Variants in ABCB4 observed in about 807,000 individuals in gnomAD.
ABCB4 encodes phosphatidylcholine translocator ABCB4.
In ABCB4, 76 loss-of-function variants were observed where a neutral mutation model predicts 145.7. That is an observed-to-expected ratio of 0.52 (90% CI 0.43 to 0.63). The LOEUF is 0.63. Ranked by LOEUF, ABCB4 falls within the 30% of genes least tolerant of loss-of-function variation. The pLI is 0.00. For synonymous variants in ABCB4, 517 were observed against 566.8 expected (o/e 0.91, Z 1.25); for missense variants, 1,234 against 1,553.1 (o/e 0.79, Z 3.45).
intron 10 of ABCB4, among the ~76,000 whole-genome samples, chr7:87,444,427 A>G (rs753482212): frequency 7.9e-5 from 12 of 152,212 alleles, no homozygotes; most frequent in Non-Finnish European, 1.2e-4. Context: ...ATTTAAAATC[A>G]TACCAAACAT....
the ABCB4 span, among the ~76,000 whole-genome samples, chr7:87,395,406 C>A: frequency 1.3e-5 from 2 of 152,200 alleles, no homozygotes; most frequent in Non-Finnish European, 2.9e-5. Context: ...CTCAGACACA[C>A]CCAGGATCAA....
intron 12 of ABCB4, among the ~76,000 whole-genome samples, chr7:87,441,668 A>T (rs1396661555): frequency 6.6e-6 from 1 of 151,992 alleles, no homozygotes; most frequent in Non-Finnish European, 1.5e-5. Context: ...GTGCAACAAT[A>T]GCTCACTGCA....
At chr7:87,466,573 C>G (rs1033779930) in intron 3 of ABCB4, among the ~76,000 whole-genome samples, 1 of 152,046 alleles carries the variant, frequency 6.6e-6, no homozygotes, top group Admixed American at 6.6e-5. Context: ...TCCTCGAGAA[C>G]AGCAACTCCA....
intron 24 of ABCB4, 76 bp from the exon 25 acceptor site, chr7:87,408,310 C>G (rs1808360390): frequency 6.9e-7 from 1 of 1,440,934 alleles, no homozygotes; most frequent in Non-Finnish European, 9.6e-7. Context: ...TTCAAGGAAA[C>G]TTTACCAAAG....
chr7:87,431,651 C>A, intron 14 of ABCB4, 86 bp from the exon 15 acceptor site: 1 of 1,519,720 alleles, frequency 6.6e-7, no homozygotes, highest in Non-Finnish European at 9.1e-7. Context: ...TGGATGAATG[C>A]TGTTTGTAGA....
At chr7:87,458,035 T>C (rs1812213842) in intron 4 of ABCB4, among the ~76,000 whole-genome samples, 1 of 152,192 alleles carries the variant, frequency 6.6e-6, no homozygotes, top group African/African-American at 2.4e-5. Flanking sequence ...CTATTCATTA[T>C]AAAATAAAGA....
Position 87,402,254 on chromosome 7 carries a change from C to T in ABCB4, c.3682G>A (p.Val1228Met). ...ATGGTGGACAGGCGGTGAGCAATCA[C>T]AATGCAGGTGCGGCCTTCTCTGGCT... ...DKAREGRTCI[V>M]IAHRLSTIQN... The change falls in exon 28 of 28, where the codon GTG becomes ATG. Residue 1228 changes from valine to methionine, a missense_variant. Physicochemically the swap from Val to Met is conservative, Grantham distance 21. This residue lies in a region of ABCB4 where 58 missense variants were observed against 75.9 expected (regional missense o/e 0.76). Coordinates refer to ENST00000649586, the MANE Select transcript of ABCB4 (RefSeq NM_000443.4). The T allele has an allele frequency of 6.2e-7, 1 of 1,614,092 alleles. No individual in the cohort carries two copies. Among genetic ancestry groups the T allele is most frequent in the Non-Finnish European group, 8.5e-7 (1 of 1,179,962 alleles).
rs1809160747 is a variant in ABCB4 at position 87,418,553 on chromosome 7, G to A, written c.2462C>T (p.Ala821Val). Reference protein sequence around the residue: ...GALSTRLATDAAQVQGATGTR... With the variant: ...GALSTRLATDVAQVQGATGTR... ...TCTACCTACTCCTTGGACTTGGGCAGCATCTGTGGCAAGTCTTGTAGAAAG... is the reference window on the plus strand; with the variant it reads ...TCTACCTACTCCTTGGACTTGGGCAACATCTGTGGCAAGTCTTGTAGAAAG... The change falls in exon 20 of 28, where the codon GCT becomes GTT. Residue 821 changes from alanine to valine, a missense_variant. By Grantham distance (64) the Ala-to-Val change is moderately conservative. Around this residue, in one of 7 missense-constraint regions of ABCB4, gnomAD observed 321 missense variants for 332.6 expected, o/e 0.97. Transcript: ENST00000649586. 1.9e-6 allele frequency: 3 copies of A among 1,614,016 alleles called. No homozygotes were observed. Among genetic ancestry groups the A allele is most frequent in the Non-Finnish European group, 2.5e-6 (3 of 1,179,994 alleles).
chr7:87,423,824 G>T, intron 17 of ABCB4, 82 bp downstream of exon 17: 2 of 1,561,772 alleles, frequency 1.3e-6, no homozygotes, highest in East Asian at 2.2e-5. Flanking sequence ...ATCCCAGAAT[G>T]GAGCCAGTCA....
chr7:87,382,679 C>T, the ABCB4 span: 1 of 802,120 alleles, frequency 1.2e-6, no homozygotes, highest in Non-Finnish European at 1.9e-6. Context: ...TTTGTACTTC[C>T]ATCAATAGAG....
Position 87,417,444 on chromosome 7 carries a change from A to C in ABCB4, c.2550T>G (p.Phe850Leu). ...ANLGTGIIIS[F>L]IYGWQLTLLL... ...ATAGGGTTAACTGCCAACCGTAGAT[A>C]AATGATATGATAATACCAGTTCCAA... is the stretch of plus-strand genomic sequence containing the variant. Residue 850 changes from phenylalanine to leucine, a missense_variant, in exon 21 of 28, where the codon TTT becomes TTG. Physicochemically the swap from Phe to Leu is conservative, Grantham distance 22. This residue lies in a region of ABCB4 where 321 missense variants were observed against 332.6 expected (regional missense o/e 0.97). Coordinates refer to ENST00000649586, the MANE Select transcript of ABCB4 (RefSeq NM_000443.4). The C allele has an allele frequency of 6.2e-7, 1 of 1,614,194 alleles. No homozygotes were observed. Among genetic ancestry groups the C allele is most frequent in the Non-Finnish European group, 8.5e-7 (1 of 1,180,026 alleles).
chr7:87,431,637 C>T, intron 14 of ABCB4, 72 bp from the exon 15 acceptor site: 1 of 1,574,072 alleles, frequency 6.4e-7, no homozygotes, highest in Non-Finnish European at 8.7e-7. Context: ...CACAGTTAAG[C>T]ACTTGGATGA....
At chr7:87,451,106 C>G (rs1016332411) in intron 7 of ABCB4, among the ~76,000 whole-genome samples, 7 of 151,670 alleles carry the variant, frequency 4.6e-5, no homozygotes, top group African/African-American at 1.5e-4. Context: ...GTTGCACTTC[C>G]TTAACTAAGG....
chr7:87,394,849 G>A, the ABCB4 span, among the ~76,000 whole-genome samples: 1 of 152,102 alleles, frequency 6.6e-6, no homozygotes, highest in Non-Finnish European at 1.5e-5. Flanking sequence ...TTTAGAAAGA[G>A]GTTTGGCTTT....
At position 87,417,470 on chromosome 7, in the gene ABCB4, G is replaced by T. The variant is rs962111777; in HGVS notation, c.2524C>A (p.Leu842Ile). The T allele has an allele frequency of 1.2e-6, 2 of 1,613,994 alleles. No individual in the cohort carries two copies. The highest frequency in any genetic ancestry group is 2.7e-5 in the African/African-American group (2 of 74,916). The change falls in exon 21 of 28, where the codon CTT becomes ATT. Residue 842 changes from leucine (L) to isoleucine (I), a missense_variant. This residue lies in a region of ABCB4 where 321 missense variants were observed against 332.6 expected (regional missense o/e 0.97). Coordinates refer to ENST00000649586, the MANE Select transcript of ABCB4 (RefSeq NM_000443.4). ...LALIAQNIAN[L>I]GTGIIISFIY... is the part of the protein sequence containing the mutation. ...AATGATATGATAATACCAGTTCCAA[G>T]GTTAGCTATATTCTGTGCAATTAAA...
the ABCB4 span, among the ~76,000 whole-genome samples, chr7:87,383,253 A>G: frequency 5.9e-5 from 9 of 152,126 alleles, no homozygotes; most frequent in African/African-American, 2.2e-4. Context: ...ACTTCTCTTC[A>G]ATCTCCTCTC....
At chr7:87,440,156 GA>G in intron 13 of ABCB4, 42 bp downstream of exon 13, 1 of 1,584,416 alleles carries the variant, frequency 6.3e-7, no homozygotes, top group Non-Finnish European at 8.7e-7. Context: ...CCTATGAGGT[GA>G]AATTCTAATT....
chr7:87,441,665 A>T (rs191600418), intron 12 of ABCB4, among the ~76,000 whole-genome samples: 1 of 152,150 alleles, frequency 6.6e-6, no homozygotes, highest in Admixed American at 6.5e-5. Context: ...TTGGTGCAAC[A>T]ATAGCTCACT....
chr7:87,393,922 G>C, the ABCB4 span, among the ~76,000 whole-genome samples: 1 of 152,120 alleles, frequency 6.6e-6, no homozygotes, highest in Non-Finnish European at 1.5e-5. Flanking sequence ...ACTCAAAACT[G>C]TGTAGTGTAG....
Sources: allele counts gnomAD v4.1 joint callset (sites outside exome capture counted in the v4.1 genomes callset), GRCh38; gene constraint gnomAD v4.1.1; regional missense constraint gnomAD v4.1.1; transcripts MANE v1.5; gene names NCBI Gene and HGNC (gene_info 2026-07-23, HGNC 2026-07-21).